The following CEMIP2 variants were observed in gnomAD, a reference collection of about 807,000 sequenced individuals.
The protein encoded by CEMIP2 is cell surface hyaluronidase CEMIP2.
In CEMIP2, 79 loss-of-function variants were observed where a neutral mutation model predicts 146.9. That is an observed-to-expected ratio of 0.54 (90% CI 0.45 to 0.65). CEMIP2 has a LOEUF of 0.65. Among genes scored for constraint, CEMIP2 ranks in the 30% least tolerant of loss-of-function variants. CEMIP2 has a pLI of 0.00. For synonymous variants in CEMIP2, 601 were observed against 606.3 expected, an observed-to-expected ratio of 0.99 and a Z score of 0.13; for missense variants, 1,596 against 1,696.2, an observed-to-expected ratio of 0.94 and a Z score of 1.04.
At chr9:71,730,602 C>A in intron 8 of CEMIP2, 103 bp downstream of exon 8, 1 of 1,218,106 alleles carries the variant, frequency 8.2e-7, no homozygotes. Flanking sequence ...TAGAGCAAGG[C>A]ATGTGGCTAA....
At chr9:71,741,372 C>A (rs1823910886) in intron 4 of CEMIP2, among the ~76,000 whole-genome samples, 1 of 150,348 alleles carries the variant, frequency 6.7e-6, no homozygotes, top group South Asian at 2.1e-4. Flanking sequence ...CAATTTTGTA[C>A]TTTTAGTAGA....
chr9:71,686,662 GT>G (rs922137496), intron 22 of CEMIP2: 2 of 152,010 alleles, frequency 1.3e-5, no homozygotes, highest in Non-Finnish European at 2.9e-5. Context: ...TGTTGTTGTT[GT>G]TTATAATTTG....
At chr9:71,728,815 T>TTG (rs33987875) in intron 10 of CEMIP2, among the ~76,000 whole-genome samples, 7,665 of 147,712 alleles carry the variant, frequency 0.052, 261 homozygotes, top group Middle Eastern at 0.11. Context: ...TGTGGGGTTT[T>TTG]TGTGTGTGTG....
chr9:71,693,690 C>G (rs1822301408), intron 21 of CEMIP2, among the ~76,000 whole-genome samples: 1 of 152,130 alleles, frequency 6.6e-6, no homozygotes, highest in South Asian at 2.1e-4. Context: ...TTGCTTGCTA[C>G]CAACAATAGA....
At position 71,732,483 on chromosome 9, in the gene CEMIP2, G is replaced by A. The variant is rs372418844; in HGVS notation, c.1431C>T (p.Asp477=). ...CAACCTCAGCTCTCATGTCTACACCGTCTATGATCTCACCCATGTGCAGGA... is the reference window on the plus strand; with the variant it reads ...CAACCTCAGCTCTCATGTCTACACCATCTATGATCTCACCCATGTGCAGGA... ...PQFLHMGEII[D]GVDMRAEVGI... is the part of the protein sequence containing the mutation. The change falls in exon 7 of 24, where the codon GAC becomes GAT. Residue 477 remains aspartate, a synonymous_variant. Coordinates refer to ENST00000377044, the MANE Select transcript of CEMIP2 (RefSeq NM_013390.3). 3.2e-5 allele frequency: 51 copies of A among 1,612,214 alleles called. No homozygotes were observed. The highest frequency in any genetic ancestry group is 5.0e-5 in the Admixed American group (3 of 59,452).
At chr9:71,760,053 A>T (rs1207609305) in intron 1 of CEMIP2, among the ~76,000 whole-genome samples, 1 of 151,980 alleles carries the variant, frequency 6.6e-6, no homozygotes, top group Non-Finnish European at 1.5e-5. Flanking sequence ...TTGGATTAGA[A>T]TAAGTATTAT....
chr9:71,693,636 T>A lies in CEMIP2; in HGVS notation c.3696+873A>T, dbSNP rs1397940938. ...AGGAAAAAAACATTTCTTAAATGTA[T>A]TTAAAAACACAAATGTTTAGGAGTT... On this transcript the variant is annotated intron_variant, in intron 21 of 23. Transcript: ENST00000377044. Among the ~76,000 whole-genome samples, 4 of 152,226 alleles carry A rather than the reference T, an allele frequency of 2.6e-5. No homozygotes were observed. The South Asian group carries it at 8.3e-4, about 31-fold the overall frequency.
chr9:71,731,071 G>A (rs1823603222), intron 7 of CEMIP2, 157 bp from the exon 8 acceptor site: 2 of 654,506 alleles, frequency 3.1e-6, no homozygotes, highest in East Asian at 2.7e-5. Context: ...TAATAATTTA[G>A]GAAATGCTTC....
At chr9:71,704,825 T>C (rs1302893319) in intron 17 of CEMIP2, 22 bp from the exon 18 acceptor site, 5 of 1,604,334 alleles carry the variant, frequency 3.1e-6, no homozygotes, top group Non-Finnish European at 4.3e-6. Context: ...AATCAAGAAG[T>C]AAAGGGAAGA....
At chr9:71,686,199 A>G (rs546335654) in intron 22 of CEMIP2, 2 of 206,670 alleles carry the variant, frequency 9.7e-6, no homozygotes, top group South Asian at 1.7e-4. Flanking sequence ...CTGTATTTAC[A>G]GCCACCCCAC....
intron 1 of CEMIP2, among the ~76,000 whole-genome samples, chr9:71,755,232 C>T (rs1229274521): frequency 2.1e-5 from 3 of 145,942 alleles, no homozygotes; most frequent in South Asian, 2.2e-4. Context: ...TGATTTTGGC[C>T]AAGCAAGGTG....
chr9:71,728,245 A>ATACG (rs1554684654), intron 10 of CEMIP2, among the ~76,000 whole-genome samples: 2 of 40,340 alleles, frequency 5.0e-5, no homozygotes, highest in African/African-American at 6.8e-5. Context: ...ATATATATAT[A>ATACG]TATATGTATA....
In CEMIP2 at chr9:71,740,127, T is replaced by C. The variant is rs749143675; in HGVS notation, c.1140A>G (p.Gln380=). The C allele has an allele frequency of 3.7e-6, 6 of 1,613,976 alleles. No homozygotes were observed. The highest frequency in any genetic ancestry group is 2.2e-5 in the East Asian group (1 of 44,886). ...NHSSGGKALA[Q]REFYTVDGQK... ...GGCCATCCACAGTATAAAATTCTCT[T>C]TGGGCAAGAGCCTTCCCGCCACTGC... Residue 380 remains glutamine (Q), a synonymous_variant, in exon 5 of 24, where the codon CAA becomes CAG. Coordinates refer to ENST00000377044, the MANE Select transcript of CEMIP2 (RefSeq NM_013390.3).
rs772167729 is a variant in CEMIP2 at position 71,722,442 on chromosome 9, A to C, written c.2252T>G (p.Leu751Trp). 2 of 1,613,594 alleles carry C rather than the reference A, an allele frequency of 1.2e-6. No individual in the cohort carries two copies. Among genetic ancestry groups the C allele is most frequent in the Non-Finnish European group, 1.7e-6 (2 of 1,179,804 alleles). ...SAADPREYLCLDNSARFRPHQ... is the reference protein window; with the variant it reads ...SAADPREYLCWDNSARFRPHQ... Reference sequence around the variant, plus strand: ...CCAGCTTTACCTTGCACTATTGTCCAAACAGAGGTATTCCCTTGGGTCAGC... The same window carrying C: ...CCAGCTTTACCTTGCACTATTGTCCCAACAGAGGTATTCCCTTGGGTCAGC... The change falls in exon 12 of 24, where the codon TTG becomes TGG. Residue 751 changes from leucine (L) to tryptophan (W), a missense_variant. By Grantham distance (61) the Leu-to-Trp change is moderately conservative. Transcript: ENST00000377044.
At chr9:71,706,804 T>C (rs1822754265) in intron 17 of CEMIP2, among the ~76,000 whole-genome samples, 1 of 151,704 alleles carries the variant, frequency 6.6e-6, no homozygotes, top group Non-Finnish European at 1.5e-5. Flanking sequence ...ACAAAAAGGC[T>C]AAAAGCTTAT....
At chr9:71,705,852 A>G (rs112645612) in intron 17 of CEMIP2, among the ~76,000 whole-genome samples, 1 of 151,960 alleles carries the variant, frequency 6.6e-6, no homozygotes, top group Non-Finnish European at 1.5e-5. Context: ...TACACTGCAT[A>G]TCTGTCCCCT....
Position 71,728,302 on chromosome 9 carries a change from C to CGTGTATATACATATATAT in CEMIP2, c.2049+1542_2049+1543insATATATATGTATATACAC, listed in dbSNP as rs1554684803. ...ATATGTATATATATATATATATATACATATATATATATATACGTATATATA... is the reference window on the plus strand; with the variant it reads ...ATATGTATATATATATATATATATACGTGTATATACATATATATATATATATATATATACGTATATATA... On this transcript the variant is annotated intron_variant, in intron 10 of 23. Coordinates refer to ENST00000377044, the MANE Select transcript of CEMIP2 (RefSeq NM_013390.3). 6.9e-4 allele frequency among the ~76,000 whole-genome samples: 8 copies of CGTGTATATACATATATAT among 11,578 alleles called. 3 individuals carry two copies. In the South Asian group the frequency reaches 0.011, roughly 15 times the overall value. The allele number at this position is 11,578 out of a possible 152,430, so 7.6% of individuals were successfully genotyped here.
chr9:71,689,515 G>A (rs770451242), intron 22 of CEMIP2, among the ~76,000 whole-genome samples: 6 of 152,184 alleles, frequency 3.9e-5, no homozygotes, highest in Admixed American at 6.5e-5. Context: ...TCAGACTAGT[G>A]CTCTGTAAGA....
Position 71,709,285 on chromosome 9 carries a change from C to T in CEMIP2, c.2959G>A (p.Val987Met), listed in dbSNP as rs201543375. The T allele has an allele frequency of 1.2e-6, 2 of 1,614,234 alleles. No individual in the cohort carries two copies. Among genetic ancestry groups the T allele is most frequent in the South Asian group, 2.2e-5 (2 of 91,086 alleles). ...TGTGCATAGGTCCCACTGCAGATCA[C>T]TGCATTCCACTTAGACACATTTACA... Reference protein sequence around the residue: ...SCVNVSKWNAVICSGTYAQVY... With the variant: ...SCVNVSKWNAMICSGTYAQVY... Residue 987 changes from valine (V) to methionine (M), a missense_variant, in exon 17 of 24, where the codon GTG (valine) becomes ATG (methionine). Physicochemically the swap from Val to Met is conservative, Grantham distance 21 (BLOSUM62 1). Coordinates refer to ENST00000377044, the MANE Select transcript of CEMIP2 (RefSeq NM_013390.3).
Sources: gnomAD v4.1 joint callset for allele counts (sites outside exome capture counted in the v4.1 genomes callset) on GRCh38, gnomAD v4.1.1 for gene constraint, MANE v1.5 for transcripts, NCBI Gene and HGNC (gene_info 2026-07-23, HGNC 2026-07-21) for gene names.